The following TCF7L1 variants were observed in gnomAD, a reference collection of about 807,000 sequenced individuals.
The protein encoded by TCF7L1 is transcription factor 7 like 1.
In TCF7L1, 18 loss-of-function variants were observed where a neutral mutation model predicts 63.7. That is an observed-to-expected ratio of 0.28 (90% CI 0.20 to 0.42). TCF7L1 has a LOEUF of 0.42. TCF7L1 is among the 10% of genes least tolerant of loss of function. The pLI is 1.00. For synonymous variants in TCF7L1, 355 were observed against 340.9 expected (o/e 1.04, Z -0.46); for missense variants, 654 against 779.3 (o/e 0.84, Z 1.91).
At chr2:85,271,759 A>C (rs1043636348) in intron 3 of TCF7L1, among the ~76,000 whole-genome samples, 9 of 152,236 alleles carry the variant, frequency 5.9e-5, no homozygotes, top group African/African-American at 1.9e-4. Context: ...GGCTCTGTAC[A>C]GAGCTGTCAC....
At chr2:85,151,049 G>A (rs1185727620) in intron 3 of TCF7L1, among the ~76,000 whole-genome samples, 1 of 151,946 alleles carries the variant, frequency 6.6e-6, no homozygotes, top group East Asian at 1.9e-4. Flanking sequence ...GATATCTTGG[G>A]GTCTCTCATT....
chr2:85,267,490 A>G (rs1399520982), intron 3 of TCF7L1, among the ~76,000 whole-genome samples: 1 of 151,794 alleles, frequency 6.6e-6, no homozygotes, highest in Non-Finnish European at 1.5e-5. Flanking sequence ...TCTTTACTAA[A>G]AATACAAAAA....
intron 3 of TCF7L1, among the ~76,000 whole-genome samples, chr2:85,150,276 C>T (rs1018943740): frequency 3.2e-4 from 49 of 151,346 alleles, no homozygotes; most frequent in Non-Finnish European, 5.2e-4. Flanking sequence ...CTCTGTCGCC[C>T]GGGCTGGAGT....
chr2:85,294,550 T>A (rs1433889110), intron 4 of TCF7L1, among the ~76,000 whole-genome samples: 2 of 152,112 alleles, frequency 1.3e-5, no homozygotes, highest in African/African-American at 4.8e-5. Flanking sequence ...AACACCCAGT[T>A]TTAGCATTGC....
At chr2:85,210,417 AGAG>A (rs1456356428) in intron 3 of TCF7L1, among the ~76,000 whole-genome samples, 5 of 152,190 alleles carry the variant, frequency 3.3e-5, no homozygotes, top group Non-Finnish European at 7.4e-5. Context: ...AAGGGCTAGG[AGAG>A]GAGGACAGGG....
intron 3 of TCF7L1, among the ~76,000 whole-genome samples, chr2:85,271,305 G>T (rs1239887560): frequency 6.6e-6 from 1 of 152,150 alleles, no homozygotes. Context: ...TAGAGACGTG[G>T]TTTTGCCATA....
intron 3 of TCF7L1, among the ~76,000 whole-genome samples, chr2:85,166,448 A>G (rs1678420061): frequency 6.6e-6 from 1 of 152,224 alleles, no homozygotes; most frequent in African/African-American, 2.4e-5. Flanking sequence ...TCCAGGCCTC[A>G]TAGGCAATGA....
chr2:85,278,544 A>G (rs895947486), intron 3 of TCF7L1, among the ~76,000 whole-genome samples: 1 of 152,234 alleles, frequency 6.6e-6, no homozygotes, highest in East Asian at 1.9e-4. Context: ...CATCTCATAA[A>G]TGAGTCAAAT....
chr2:85,245,368 G>A (rs1270637993), intron 3 of TCF7L1, among the ~76,000 whole-genome samples: 1 of 152,162 alleles, frequency 6.6e-6, no homozygotes, highest in Admixed American at 6.5e-5. Flanking sequence ...CCTCTTCACT[G>A]GGCATCAGTC....
intron 3 of TCF7L1, among the ~76,000 whole-genome samples, chr2:85,180,655 TGAG>T (rs1276760958): frequency 7.9e-5 from 12 of 152,052 alleles, no homozygotes; most frequent in Non-Finnish European, 1.6e-4. Flanking sequence ...CTTCCTAAAG[TGAG>T]GATTGAGGAA....
At chr2:85,307,339 C>G (rs1161459952) in intron 10 of TCF7L1, among the ~76,000 whole-genome samples, 1 of 152,198 alleles carries the variant, frequency 6.6e-6, no homozygotes, top group Admixed American at 6.5e-5. Flanking sequence ...CAGAAAAGAT[C>G]TAGAAGCACT....
At chr2:85,230,930 T>A (rs955031483) in intron 3 of TCF7L1, among the ~76,000 whole-genome samples, 2 of 152,172 alleles carry the variant, frequency 1.3e-5, no homozygotes, top group African/African-American at 4.8e-5. Flanking sequence ...AACAAATGCC[T>A]AAAACTTTCC....
chr2:85,196,348 A>G (rs979299374), intron 3 of TCF7L1, among the ~76,000 whole-genome samples: 2 of 152,208 alleles, frequency 1.3e-5, no homozygotes, highest in African/African-American at 2.4e-5. Context: ...TCCCACCTCA[A>G]CATCCTGAGT....
intron 3 of TCF7L1, among the ~76,000 whole-genome samples, chr2:85,265,294 A>C (rs1462789381): frequency 2.7e-5 from 4 of 147,652 alleles, no homozygotes; most frequent in Admixed American, 2.0e-4. Flanking sequence ...TGGGAGCTTA[A>C]AAAAAAAAAA....
intron 3 of TCF7L1, among the ~76,000 whole-genome samples, chr2:85,252,604 G>A (rs764463793): frequency 5.9e-5 from 9 of 152,310 alleles, no homozygotes; most frequent in South Asian, 4.1e-4. Context: ...ACAAAAGAGC[G>A]GTGTGTTTTG....
At chr2:85,239,834 C>T (rs1680282175) in intron 3 of TCF7L1, among the ~76,000 whole-genome samples, 1 of 151,388 alleles carries the variant, frequency 6.6e-6, no homozygotes, top group Admixed American at 6.6e-5. Flanking sequence ...TAATCCCACC[C>T]ACTGGGGAGG....
intron 3 of TCF7L1, among the ~76,000 whole-genome samples, chr2:85,172,390 C>T (rs1227263532): frequency 6.6e-6 from 1 of 152,226 alleles, no homozygotes; most frequent in Non-Finnish European, 1.5e-5. Context: ...TGTCACACAG[C>T]CTTTCACTTG....
At chr2:85,222,374 A>C (rs1172688796) in intron 3 of TCF7L1, among the ~76,000 whole-genome samples, 1 of 150,930 alleles carries the variant, frequency 6.6e-6, no homozygotes, top group Non-Finnish European at 1.5e-5. Flanking sequence ...CAAAAAAAAA[A>C]ACACTAAAGG....
chr2:85,216,276 C>T (rs1051154048), intron 3 of TCF7L1, among the ~76,000 whole-genome samples: 1 of 152,158 alleles, frequency 6.6e-6, no homozygotes, highest in Non-Finnish European at 1.5e-5. Context: ...TCCCCCCATC[C>T]CCCACCCTGC....
Sources: gnomAD v4.1 joint callset for allele counts (sites outside exome capture counted in the v4.1 genomes callset) on GRCh38, gnomAD v4.1.1 for gene constraint, MANE v1.5 for transcripts, NCBI Gene and HGNC (gene_info 2026-07-23, HGNC 2026-07-21) for gene names.